Variants in PTPRN2 observed in about 807,000 individuals in gnomAD.
The protein encoded by PTPRN2 is receptor-type tyrosine-protein phosphatase N2.
Under a neutral mutation model 118.8 loss-of-function variants are expected in PTPRN2, and 74 were observed. The observed-to-expected ratio is 0.62, with a 90% CI of 0.52 to 0.76. The LOEUF is 0.76. Ranked by LOEUF, PTPRN2 falls within the 30% of genes least tolerant of loss-of-function variation. PTPRN2 has a pLI of 0.00. For missense variants in PTPRN2, 1,481 were observed against 1,394.4 expected, an observed-to-expected ratio of 1.06 and a Z score of -0.99; for synonymous variants, 641 against 608.0, an observed-to-expected ratio of 1.05 and a Z score of -0.80.
chr7:158,376,175 T>C (rs1042906755), intron 2 of PTPRN2, among the ~76,000 whole-genome samples: 1 of 152,176 alleles, frequency 6.6e-6, no homozygotes, highest in Non-Finnish European at 1.5e-5. Context: ...TGCCTATCTG[T>C]GTGCTCTCCC....
Position 157,929,945 on chromosome 7 carries a change from C to T in PTPRN2, c.1724-31208G>A, listed in dbSNP as rs919506623. 6.6e-6 allele frequency among the ~76,000 whole-genome samples: 1 copy of T among 152,170 alleles called. No individual in the cohort carries two copies. The highest frequency in any genetic ancestry group is 2.1e-4 in the South Asian group (1 of 4,828). On this transcript the variant is annotated intron_variant, in intron 11 of 22. Coordinates refer to ENST00000389418, the MANE Select transcript of PTPRN2 (RefSeq NM_002847.5). This position sits in a 1 kb window ranked among gnomAD's most constrained non-coding sequence, Gnocchi z 4.4. ...ATGAAGCGAATTCAGTCCACATCAG[C>T]GGGTCCAAGCCTGGACCTAGACACC...
At chr7:158,336,187 A>C (rs1476683265) in intron 2 of PTPRN2, among the ~76,000 whole-genome samples, 3 of 47,570 alleles carry the variant, frequency 6.3e-5, no homozygotes, top group African/African-American at 2.4e-4. Context: ...CGCAGAGGTC[A>C]CTCACACCCA....
chr7:158,243,784 G>T (rs1796027854), intron 3 of PTPRN2, among the ~76,000 whole-genome samples: 1 of 99,578 alleles, frequency 1.0e-5, no homozygotes, highest in Admixed American at 9.0e-5. Flanking sequence ...CTAAGCACTA[G>T]TCACTACTAT....
In PTPRN2 at chr7:157,964,857, C is replaced by T. The variant is rs185514524; in HGVS notation, c.1724-66120G>A. On this transcript the variant is annotated intron_variant, in intron 11 of 22. Coordinates refer to ENST00000389418, the MANE Select transcript of PTPRN2 (RefSeq NM_002847.5). The surrounding 1 kb of genome is among the most constrained non-coding windows in gnomAD (Gnocchi z 9.0). ...CCTCCTCTTGCCCCAATTTCTCCAC[C>T]GCACAGACTCGCCAGGGCTTTGGTT... 1.4e-4 allele frequency among the ~76,000 whole-genome samples: 22 copies of T among 152,354 alleles called. No homozygotes were observed. The highest frequency in any genetic ancestry group is 9.6e-4 in the East Asian group (5 of 5,184).
chr7:157,928,726 G>C (rs1487611740), intron 11 of PTPRN2, among the ~76,000 whole-genome samples: 1 of 138,746 alleles, frequency 7.2e-6, no homozygotes, highest in African/African-American at 2.7e-5. Flanking sequence ...GGGGAGGGGG[G>C]CAGAGGGTGG....
chr7:157,799,017 C>A (rs1217039606), intron 12 of PTPRN2, among the ~76,000 whole-genome samples: 1 of 152,224 alleles, frequency 6.6e-6, no homozygotes, highest in Non-Finnish European at 1.5e-5. Flanking sequence ...CCCCCTCCTC[C>A]TTTCTTCTCC....
chr7:157,582,296 G>A (rs1395307817), intron 17 of PTPRN2, among the ~76,000 whole-genome samples: 5 of 152,114 alleles, frequency 3.3e-5, no homozygotes, highest in Non-Finnish European at 7.4e-5. Context: ...TATTTAATTA[G>A]CAAACAAACA....
intron 12 of PTPRN2, among the ~76,000 whole-genome samples, chr7:157,800,022 C>T (rs1805150939): frequency 6.6e-6 from 1 of 151,500 alleles, no homozygotes; most frequent in Non-Finnish European, 1.5e-5. Flanking sequence ...CACAGGCAGC[C>T]TCCTCTGTCC....
At chr7:158,280,902 G>A (rs1048998781) in intron 3 of PTPRN2, among the ~76,000 whole-genome samples, 3 of 152,212 alleles carry the variant, frequency 2.0e-5, no homozygotes, top group African/African-American at 7.2e-5. Flanking sequence ...ACAGGCGCCA[G>A]GCCCTGCGCC....
intron 9 of PTPRN2, among the ~76,000 whole-genome samples, chr7:158,127,505 C>T (rs1320923572): frequency 2.0e-5 from 3 of 152,160 alleles, no homozygotes; most frequent in Non-Finnish European, 2.9e-5. Flanking sequence ...CCCTGGATGC[C>T]GGACTTCCGT....
chr7:158,188,149 C>T (rs1251980140), intron 5 of PTPRN2, among the ~76,000 whole-genome samples: 1 of 149,732 alleles, frequency 6.7e-6, no homozygotes, highest in Non-Finnish European at 1.5e-5. Context: ...CCACCACGCT[C>T]GCCCCCTGTA....
In PTPRN2 at chr7:158,110,867, G is replaced by A; in HGVS notation, c.1605C>T (p.Arg535=). The change falls in exon 10 of 23, where the codon CGC becomes CGT. Residue 535 remains arginine (R), a synonymous_variant. Transcript: ENST00000389418. The part of the protein sequence containing the change: ...EGRRLVEDVA[R]LLQVPSSAFA... ...ACGCACTGCTGGGCACCTGCAGGAG[G>A]CGGGCGACGTCCTCCACCAGCCGCC... is the stretch of plus-strand genomic sequence containing the variant. 2 of 1,588,780 alleles carry A rather than the reference G, an allele frequency of 1.3e-6. No homozygotes were observed. The highest frequency in any genetic ancestry group is 3.5e-5 in the Admixed American group (2 of 57,646).
chr7:157,783,855 C>T lies in PTPRN2; in HGVS notation c.1789-100918G>A, dbSNP rs1055070969. Among the ~76,000 whole-genome samples the T allele has an allele frequency of 7.2e-5, 11 of 152,252 alleles. No homozygotes were observed. The East Asian group carries it at 1.6e-3, about 22-fold the overall frequency. On this transcript the variant is annotated intron_variant, in intron 12 of 22. Coordinates refer to ENST00000389418, the MANE Select transcript of PTPRN2 (RefSeq NM_002847.5). ...CTCCAGGCCCTCTGAGGCTTGAACACTGCCCTGTTTTCATTCAAGAAGAAA... is the reference window on the plus strand; with the variant it reads ...CTCCAGGCCCTCTGAGGCTTGAACATTGCCCTGTTTTCATTCAAGAAGAAA...
rs1211749492 is a variant in PTPRN2 at position 157,764,144 on chromosome 7, A to G, written c.1789-81207T>C. 6.6e-6 allele frequency among the ~76,000 whole-genome samples: 1 copy of G among 152,154 alleles called. No individual in the cohort carries two copies. The highest frequency in any genetic ancestry group is 2.1e-4 in the South Asian group (1 of 4,824). On this transcript the variant is annotated intron_variant, in intron 12 of 22. Coordinates refer to ENST00000389418, the MANE Select transcript of PTPRN2 (RefSeq NM_002847.5). The surrounding 1 kb of genome is among the most constrained non-coding windows in gnomAD (Gnocchi z 4.5). ...GTAACTGGCACACTCTGCAGGGAGGAATATAGCATGATGCAGTCGCTGTTA... is the reference window on the plus strand; with the variant it reads ...GTAACTGGCACACTCTGCAGGGAGGGATATAGCATGATGCAGTCGCTGTTA...
At chr7:157,925,811 A>AACGTG (rs1798948102) in intron 11 of PTPRN2, among the ~76,000 whole-genome samples, 1 of 152,140 alleles carries the variant, frequency 6.6e-6, no homozygotes, top group Non-Finnish European at 1.5e-5. Context: ...CACCGAGACA[A>AACGTG]TCAGGAACCA....
At position 157,764,182 on chromosome 7, in the gene PTPRN2, A is replaced by C. The variant is rs1218603420; in HGVS notation, c.1789-81245T>G. 6.6e-6 allele frequency among the ~76,000 whole-genome samples: 1 copy of C among 152,170 alleles called. No individual in the cohort carries two copies. Among genetic ancestry groups the C allele is most frequent in the African/African-American group, 2.4e-5 (1 of 41,446 alleles). ...GCAGTCGCTGTTAGTGGGTCCTCAA[A>C]AAACTAACCACAGAATCAGCCCAGG... On this transcript the variant is annotated intron_variant, in intron 12 of 22. Transcript: ENST00000389418. This position sits in a 1 kb window ranked among gnomAD's most constrained non-coding sequence, Gnocchi z 4.5.
rs544200900 is a variant in PTPRN2, at chr7:158,130,875, A to C, written c.1556+2802T>G. On this transcript the variant is annotated intron_variant, in intron 9 of 22. Coordinates refer to ENST00000389418, the MANE Select transcript of PTPRN2 (RefSeq NM_002847.5). ...CCAACACACACACTCATATACACGC[A>C]TGCATATACGCACAAACCGATACAC... is the stretch of plus-strand genomic sequence containing the variant. Among the ~76,000 whole-genome samples, 104 of 149,738 alleles carry C rather than the reference A, an allele frequency of 6.9e-4. 1 individual carries two copies. The highest frequency in any genetic ancestry group is 3.5e-3 in the Middle Eastern group (1 of 284).
chr7:157,776,509 C>CGT, intron 12 of PTPRN2, among the ~76,000 whole-genome samples: 1 of 142,912 alleles, frequency 7.0e-6, no homozygotes, highest in Non-Finnish European at 1.5e-5. Flanking sequence ...CTCTCCTCCT[C>CGT]CCTCTCCTTC....
intron 12 of PTPRN2, among the ~76,000 whole-genome samples, chr7:157,685,414 C>T (rs1213913030): frequency 6.6e-6 from 1 of 152,068 alleles, no homozygotes; most frequent in African/African-American, 2.4e-5. Flanking sequence ...CGGCGTGTGG[C>T]GGACCCGGCA....
Sources: gnomAD v4.1 joint callset for allele counts (sites outside exome capture counted in the v4.1 genomes callset) on GRCh38, gnomAD v4.1.1 for gene constraint, Gnocchi (gnomAD v3.1) non-coding constraint, MANE v1.5 for transcripts, NCBI Gene and HGNC (gene_info 2026-07-23, HGNC 2026-07-21) for gene names.